Variants in ACTR3C observed in about 807,000 individuals in gnomAD.
ACTR3C encodes actin related protein 3C, also known as actin-related protein 3C.
Under a neutral mutation model 26.3 loss-of-function variants are expected in ACTR3C, and 18 were observed. The observed-to-expected ratio is 0.68, with a 90% CI of 0.47 to 1.01. The LOEUF (loss-of-function observed/expected upper bound fraction) is 1.01. Among genes scored for constraint, ACTR3C ranks in the 50% least tolerant of loss-of-function variants. The probability of loss-of-function intolerance (pLI) is 0.00; values close to 1 mark genes in which losing one functional copy is unlikely to be tolerated. For missense variants in ACTR3C, 184 were observed against 250.7 expected (o/e 0.73, Z 1.80); for synonymous variants, 55 against 94.5 (o/e 0.58, Z 2.42).
the ACTR3C span, among the ~76,000 whole-genome samples, chr7:149,939,361 T>C: frequency 1.3e-5 from 2 of 152,170 alleles, no homozygotes; most frequent in Non-Finnish European, 2.9e-5. Flanking sequence ...TCATTGAACA[T>C]ATTAGCAATT....
chr7:150,010,807 T>C, the ACTR3C span, among the ~76,000 whole-genome samples: 5 of 148,630 alleles, frequency 3.4e-5, no homozygotes, highest in African/African-American at 1.0e-4. Context: ...TGGAACATCG[T>C]GTAGGGCAGC....
chr7:149,898,846 A>G, the ACTR3C span, among the ~76,000 whole-genome samples: 6 of 152,216 alleles, frequency 3.9e-5, no homozygotes, highest in Admixed American at 2.6e-4. Context: ...TAGAGCTTAT[A>G]TTCCAAATAT....
At chr7:150,081,058 T>G in the ACTR3C span, among the ~76,000 whole-genome samples, 3 of 152,204 alleles carry the variant, frequency 2.0e-5, no homozygotes, top group Non-Finnish European at 4.4e-5. Context: ...TATGTGCTCC[T>G]TGCTTCGTAA....
chr7:149,996,800 G>A, the ACTR3C span, among the ~76,000 whole-genome samples: 1 of 150,742 alleles, frequency 6.6e-6, no homozygotes, highest in East Asian at 1.9e-4. Context: ...ATACTTGCAG[G>A]GGCTGGGCCA....
the ACTR3C span, among the ~76,000 whole-genome samples, chr7:149,967,933 G>T: frequency 6.6e-5 from 10 of 152,078 alleles, no homozygotes; most frequent in South Asian, 8.3e-4. Context: ...GGAGATGTTA[G>T]GTCCTCAACA....
chr7:150,288,614 T>C (rs1835966255), intron 4 of ACTR3C, among the ~76,000 whole-genome samples: 1 of 148,362 alleles, frequency 6.7e-6, no homozygotes, highest in Non-Finnish European at 1.5e-5. Context: ...TAGTCAAATA[T>C]TCTTCCATGG....
At chr7:150,017,109 C>T in the ACTR3C span, among the ~76,000 whole-genome samples, 1 of 151,976 alleles carries the variant, frequency 6.6e-6, no homozygotes, top group African/African-American at 2.4e-5. Flanking sequence ...CCAAGGGATG[C>T]GCTGGCAGTA....
chr7:150,105,876 T>C, the ACTR3C span, among the ~76,000 whole-genome samples: 1 of 152,076 alleles, frequency 6.6e-6, no homozygotes, highest in East Asian at 1.9e-4. Context: ...AGCATAATTT[T>C]AGTCTTTCAT....
the ACTR3C span, among the ~76,000 whole-genome samples, chr7:149,949,311 G>T: frequency 1.4e-5 from 2 of 143,886 alleles, no homozygotes; most frequent in African/African-American, 5.9e-5. Context: ...GGGAGACGGA[G>T]GTTGCAGTGA....
the ACTR3C span, among the ~76,000 whole-genome samples, chr7:150,063,781 C>T: frequency 1.3e-5 from 2 of 152,138 alleles, no homozygotes; most frequent in Non-Finnish European, 2.9e-5. Flanking sequence ...CCACCGTGTG[C>T]CTGCTGGGTC....
intron 6 of ACTR3C, among the ~76,000 whole-genome samples, chr7:150,282,676 A>C (rs1049760824): frequency 7.1e-6 from 1 of 141,510 alleles, no homozygotes; most frequent in Non-Finnish European, 1.5e-5. Context: ...CAGAGAAGAA[A>C]TGATTATCCT....
the ACTR3C span, among the ~76,000 whole-genome samples, chr7:150,066,531 A>G: frequency 1.3e-5 from 2 of 152,224 alleles, no homozygotes; most frequent in Admixed American, 1.3e-4. Flanking sequence ...ATTTCCTAGA[A>G]GGAACAAATT....
At chr7:150,068,797 A>AC in the ACTR3C span, among the ~76,000 whole-genome samples, 2 of 150,988 alleles carry the variant, frequency 1.3e-5, no homozygotes, top group Non-Finnish European at 3.0e-5. Context: ...AAAAAAAAAA[A>AC]AAAAACCAAA....
At chr7:149,983,773 A>G in the ACTR3C span, among the ~76,000 whole-genome samples, 1 of 152,266 alleles carries the variant, frequency 6.6e-6, no homozygotes, top group East Asian at 1.9e-4. Context: ...GCACATATAT[A>G]CCATCAAATA....
chr7:150,009,834 T>C, the ACTR3C span, among the ~76,000 whole-genome samples: 1 of 152,258 alleles, frequency 6.6e-6, no homozygotes, highest in African/African-American at 2.4e-5. Flanking sequence ...TTCTCTCCTC[T>C]GTTCTTACAC....
At chr7:150,305,520 C>T (rs949524480) in intron 1 of ACTR3C, among the ~76,000 whole-genome samples, 1 of 152,180 alleles carries the variant, frequency 6.6e-6, no homozygotes, top group Non-Finnish European at 1.5e-5. Context: ...TCACCCTAAC[C>T]AAGTCAGGTC....
At chr7:150,135,464 G>C in the ACTR3C span, among the ~76,000 whole-genome samples, 1 of 152,116 alleles carries the variant, frequency 6.6e-6, no homozygotes, top group Non-Finnish European at 1.5e-5. Flanking sequence ...ATGAGGGGAG[G>C]CTGGAGAAAT....
the ACTR3C span, among the ~76,000 whole-genome samples, chr7:149,921,051 C>T: frequency 5.3e-5 from 8 of 152,116 alleles, no homozygotes; most frequent in East Asian, 1.9e-4. Flanking sequence ...CCACCGTGCC[C>T]GGCCTATCTT....
chr7:149,948,049 C>A, the ACTR3C span, among the ~76,000 whole-genome samples: 66,606 of 142,418 alleles, frequency 0.47, 15,983 homozygotes, highest in South Asian at 0.54. Context: ...GCTGCACTGT[C>A]CCCCAGAAGC....
Sources: allele counts gnomAD v4.1 joint callset (sites outside exome capture counted in the v4.1 genomes callset), GRCh38; gene constraint gnomAD v4.1.1; transcripts MANE v1.5; gene names NCBI Gene and HGNC (gene_info 2026-07-23, HGNC 2026-07-21).